KIF13A: variants seen among roughly 807,000 people sequenced by gnomAD.
KIF13A encodes the protein kinesin family member 13A, also known as kinesin-like protein KIF13A.
In KIF13A, 79 loss-of-function variants were observed where a neutral mutation model predicts 212.2. The observed-to-expected ratio is 0.37, with a 90% CI of 0.31 to 0.45. The LOEUF is 0.45. Among genes scored for constraint, KIF13A ranks in the 20% least tolerant of loss-of-function variants. KIF13A has a pLI of 1.00. For missense variants in KIF13A, 1,901 were observed against 2,209.0 expected (o/e 0.86, Z 2.79); for synonymous variants, 789 against 808.6 (o/e 0.98, Z 0.41).
chr6:17,987,277 G>A lies in KIF13A; in HGVS notation c.55+132C>T. ...TGGAGACGGCGCCCCGGGCACCACGGCCAGCGCGGACGCCGCCTCCGCCCC... is the reference window on the plus strand; with the variant it reads ...TGGAGACGGCGCCCCGGGCACCACGACCAGCGCGGACGCCGCCTCCGCCCC... On this transcript the variant is annotated intron_variant, in intron 1 of 38. Transcript: ENST00000259711. This position sits in a 1 kb window ranked among gnomAD's most constrained non-coding sequence, Gnocchi z 7.7. 1 of 855,290 alleles carries A rather than the reference G, an allele frequency of 1.2e-6. No individual in the cohort carries two copies. 53.0% of individuals were successfully genotyped at this position (855,290 alleles called of 1,614,324 possible). A position where few individuals can be genotyped will look rare whatever the true frequency, so the allele number is the denominator to read the frequency against.
chr6:17,833,855 CAAAAA>C (rs11358140), intron 12 of KIF13A, 101 bp downstream of exon 12: 290 of 364,962 alleles, frequency 7.9e-4, no homozygotes, highest in Middle Eastern at 1.5e-3. Context: ...GACTCCGTCT[CAAAAA>C]AAAAAAAAAA....
chr6:17,932,803 GAAA>G, intron 2 of KIF13A, among the ~76,000 whole-genome samples: 1 of 144,594 alleles, frequency 6.9e-6, no homozygotes, highest in East Asian at 2.0e-4. Context: ...AGAATGGAAA[GAAA>G]AAAAAAAAAA....
intron 2 of KIF13A, among the ~76,000 whole-genome samples, chr6:17,946,710 G>A (rs10949470): frequency 0.017 from 2,565 of 152,242 alleles, 79 homozygotes; most frequent in African/African-American, 0.058. Flanking sequence ...ACATAGTAAA[G>A]TTTAACATGC....
intron 2 of KIF13A, among the ~76,000 whole-genome samples, chr6:17,979,191 G>A (rs1780843686): frequency 6.6e-6 from 1 of 152,156 alleles, no homozygotes; most frequent in Non-Finnish European, 1.5e-5. Flanking sequence ...TACTTGGAAG[G>A]CTGAGGCACA....
At chr6:17,962,687 G>C (rs1228801301) in intron 2 of KIF13A, among the ~76,000 whole-genome samples, 1 of 152,200 alleles carries the variant, frequency 6.6e-6, no homozygotes, top group Non-Finnish European at 1.5e-5. Flanking sequence ...CTCAACCACA[G>C]AGTACTTCTG....
In KIF13A at chr6:17,764,710, A is replaced by T; in HGVS notation, c.4818T>A (p.Asn1606Lys). 3.7e-6 allele frequency: 6 copies of T among 1,613,406 alleles called. No homozygotes were observed. Among genetic ancestry groups the T allele is most frequent in the Non-Finnish European group, 5.1e-6 (6 of 1,179,624 alleles). Residue 1606 changes from asparagine (N) to lysine (K), a missense_variant, in exon 39 of 39, where the codon AAT (asparagine) becomes AAA (lysine). Physicochemically the swap from Asn to Lys is moderately conservative, Grantham distance 94. This residue lies in a region of KIF13A where 687 missense variants were observed against 759.1 expected (regional missense o/e 0.90). Coordinates refer to ENST00000259711, the MANE Select transcript of KIF13A (RefSeq NM_022113.6). The surrounding 1 kb of genome is among the most constrained non-coding windows in gnomAD (Gnocchi z 5.1). ...GGACCACCATGTCAGACAGGGTGGC[A>T]TTGGAGGCACTGTGGGAAAAGTAGC... ...TSGYFSHSAS[N>K]ATLSDMVVPS...
downstream of KIF13A, chr6:17,760,877 C>T: frequency 6.2e-7 from 1 of 1,613,682 alleles, no homozygotes; most frequent in Non-Finnish European, 8.5e-7. Flanking sequence ...GTTGTGCCTC[C>T]CTGGAATGCA....
chr6:17,910,949 G>A (rs890984849), intron 2 of KIF13A, among the ~76,000 whole-genome samples: 2 of 152,152 alleles, frequency 1.3e-5, no homozygotes, highest in African/African-American at 4.8e-5. Flanking sequence ...ATTTTTAGTA[G>A]AGACGGGGTT....
chr6:17,856,383 C>T lies in KIF13A; in HGVS notation c.221-261G>A, dbSNP rs2150407201. Among the ~76,000 whole-genome samples the T allele has an allele frequency of 6.6e-6, 1 of 152,214 alleles. No individual in the cohort carries two copies. The highest frequency in any genetic ancestry group is 2.1e-4 in the South Asian group (1 of 4,822). On this transcript the variant is annotated intron_variant, in intron 4 of 38. Transcript: ENST00000259711. This position sits in a 1 kb window ranked among gnomAD's most constrained non-coding sequence, Gnocchi z 4.5. ...AAGTTTTCTTTCCATTGTGAGTGGG[C>T]CATATGGAAGCAGCATTCAAATTTG... is the stretch of plus-strand genomic sequence containing the variant.
chr6:17,987,412 G>T lies in KIF13A; in HGVS notation c.52C>A (p.Arg18=), dbSNP rs1405411269. The change falls in exon 1 of 39, where the codon CGA becomes AGA. Residue 18 remains arginine (R), a synonymous_variant. Coordinates refer to ENST00000259711, the MANE Select transcript of KIF13A (RefSeq NM_022113.6). This position sits in a 1 kb window ranked among gnomAD's most constrained non-coding sequence, Gnocchi z 7.7. ...VAVRVRPMNR[R]ELELNTKCVV... ...AAAAGAGCGGAAAGCTCCTCACCTCGTCGGTTCATGGGCCGGACCCGGACG... is the reference window on the plus strand; with the variant it reads ...AAAAGAGCGGAAAGCTCCTCACCTCTTCGGTTCATGGGCCGGACCCGGACG... The T allele has an allele frequency of 1.5e-6, 2 of 1,370,854 alleles. No individual in the cohort carries two copies. The highest frequency in any genetic ancestry group is 1.2e-5 in the South Asian group (1 of 81,368). The allele number at this position is 1,370,854 out of a possible 1,614,324, so 84.9% of individuals were successfully genotyped here. A position where few individuals can be genotyped will look rare whatever the true frequency, so the allele number is the denominator to read the frequency against.
intron 2 of KIF13A, 101 bp downstream of exon 2, chr6:17,986,953 C>A (rs1781618495): frequency 7.5e-6 from 6 of 798,924 alleles, no homozygotes; most frequent in Non-Finnish European, 1.1e-5. Flanking sequence ...TTGAAGCCGT[C>A]CTCCTAACAA....
intron 20 of KIF13A, among the ~76,000 whole-genome samples, chr6:17,802,753 T>C (rs1482755206): frequency 6.6e-6 from 1 of 152,018 alleles, no homozygotes; most frequent in Non-Finnish European, 1.5e-5. Flanking sequence ...ACTGTGCTTT[T>C]TCTTTTTGAG....
intron 9 of KIF13A, among the ~76,000 whole-genome samples, chr6:17,844,869 A>G (rs1461268731): frequency 6.6e-6 from 1 of 152,202 alleles, no homozygotes; most frequent in Admixed American, 6.5e-5. Flanking sequence ...ATACAAATTC[A>G]TGTTTTGTTA....
rs1318197714 is a variant in KIF13A, at chr6:17,766,213, T to TTATTTA, written c.4582-1268_4582-1267insTAAATA. On this transcript the variant is annotated intron_variant, in intron 38 of 38. Coordinates refer to ENST00000259711, the MANE Select transcript of KIF13A (RefSeq NM_022113.6). ...CATTTTATTAATTTACTTATTTTATTTTTAAGATTTATTTATTTATTTATT... is the reference window on the plus strand; with the variant it reads ...CATTTTATTAATTTACTTATTTTATTTATTTATTTAAGATTTATTTATTTATTTATT... Among the ~76,000 whole-genome samples the TTATTTA allele has an allele frequency of 6.2e-3, 903 of 144,766 alleles. 8 individuals are homozygous for TTATTTA. Among genetic ancestry groups the TTATTTA allele is most frequent in the African/African-American group, 0.021 (857 of 40,098 alleles). 95.0% of individuals were successfully genotyped at this position (144,766 alleles called of 152,430 possible).
intron 2 of KIF13A, among the ~76,000 whole-genome samples, chr6:17,955,727 T>C (rs1034884459): frequency 6.6e-6 from 1 of 152,254 alleles, no homozygotes; most frequent in African/African-American, 2.4e-5. Flanking sequence ...GTCTATAAGA[T>C]GGCAATTTCC....
chr6:17,900,858 C>T lies in KIF13A; in HGVS notation c.147-2678G>A, dbSNP rs1772990385. On this transcript the variant is annotated intron_variant, in intron 2 of 38. Transcript: ENST00000259711. The surrounding 1 kb of genome is among the most constrained non-coding windows in gnomAD (Gnocchi z 4.6). ...CTTTGGGAGGCTGAGGCAGGCGGAT[C>T]ACAAGTTCAGGGGATCGAGACCATC... 1.3e-5 allele frequency among the ~76,000 whole-genome samples: 2 copies of T among 151,950 alleles called. No homozygotes were observed. Among genetic ancestry groups the T allele is most frequent in the South Asian group, 4.1e-4 (2 of 4,822 alleles).
At chr6:17,925,702 G>A (rs1775437148) in intron 2 of KIF13A, among the ~76,000 whole-genome samples, 1 of 152,158 alleles carries the variant, frequency 6.6e-6, no homozygotes. Context: ...TTTAAACAAA[G>A]TTTATCACCT....
At position 17,787,320 on chromosome 6, in the gene KIF13A, T is replaced by C. The variant is rs1464583940; in HGVS notation, c.3361+456A>G. Among the ~76,000 whole-genome samples, 1 of 152,214 alleles carries C rather than the reference T, an allele frequency of 6.6e-6. No individual in the cohort carries two copies. The highest frequency in any genetic ancestry group is 1.5e-5 in the Non-Finnish European group (1 of 68,036). On this transcript the variant is annotated intron_variant, in intron 27 of 38. Coordinates refer to ENST00000259711, the MANE Select transcript of KIF13A (RefSeq NM_022113.6). This position sits in a 1 kb window ranked among gnomAD's most constrained non-coding sequence, Gnocchi z 4.6. ...GGAGGCCTCTTAAACCAACAATGTA[T>C]AATATGATTGACTGATGTCTATAAT...
Position 17,777,084 on chromosome 6 carries a change from G to C in KIF13A, c.4170+193C>G, listed in dbSNP as rs943400101. Among the ~76,000 whole-genome samples, 7 of 152,222 alleles carry C rather than the reference G, an allele frequency of 4.6e-5. No individual in the cohort carries two copies. Among genetic ancestry groups the C allele is most frequent in the Non-Finnish European group, 7.3e-5 (5 of 68,042 alleles). Reference sequence around the variant, plus strand: ...TAACTTGCTGAACAGGAATTCATAAGATTGAACAAATGGCTCAGTCTTAGA... The same window carrying C: ...TAACTTGCTGAACAGGAATTCATAACATTGAACAAATGGCTCAGTCTTAGA... On this transcript the variant is annotated intron_variant, in intron 34 of 38. Transcript: ENST00000259711. This position sits in a 1 kb window ranked among gnomAD's most constrained non-coding sequence, Gnocchi z 4.4.
Sources: gnomAD v4.1 joint callset for allele counts (sites outside exome capture counted in the v4.1 genomes callset) on GRCh38, gnomAD v4.1.1 for gene constraint, gnomAD v4.1.1 regional missense constraint, Gnocchi (gnomAD v3.1) non-coding constraint, MANE v1.5 for transcripts, NCBI Gene and HGNC (gene_info 2026-07-23, HGNC 2026-07-21) for gene names.